The following SCOC variants were observed in gnomAD, a reference collection of about 807,000 sequenced individuals.
SCOC encodes short coiled coil protein.
In SCOC, 7 loss-of-function variants were observed where a neutral mutation model predicts 9.9. The observed-to-expected ratio is 0.71, with a 90% CI of 0.40 to 1.33. The LOEUF is 1.33. SCOC is among the 40% of genes most tolerant of loss of function. SCOC has a pLI of 0.01. For synonymous variants in SCOC, 19 were observed against 28.2 expected, an observed-to-expected ratio of 0.67 and a Z score of 1.03; for missense variants, 66 against 89.7, an observed-to-expected ratio of 0.74 and a Z score of 1.07.
intron 1 of SCOC, among the ~76,000 whole-genome samples, chr4:140,327,609 C>T (rs1512169): frequency 0.87 from 132,325 of 152,224 alleles, 57,601 homozygotes; most frequent in African/African-American, 0.91. Flanking sequence ...GATAACATAG[C>T]GAGACCCTGT....
intron 1 of SCOC, among the ~76,000 whole-genome samples, chr4:140,296,686 C>T (rs1731647639): frequency 6.6e-6 from 1 of 152,132 alleles, no homozygotes; most frequent in Non-Finnish European, 1.5e-5. Flanking sequence ...TCTCGACATC[C>T]CCTGAAATGT....
intron 1 of SCOC, among the ~76,000 whole-genome samples, chr4:140,317,855 C>G (rs1416105845): frequency 1.8e-5 from 2 of 113,506 alleles, no homozygotes; most frequent in Non-Finnish European, 3.5e-5. Context: ...CCCCTCCCCC[C>G]TCCCCACCAC....
intron 2 of SCOC, among the ~76,000 whole-genome samples, chr4:140,361,781 G>A (rs1434985923): frequency 6.6e-6 from 1 of 152,164 alleles, no homozygotes; most frequent in African/African-American, 2.4e-5. Flanking sequence ...AAACTTCTGT[G>A]AGTGACAAGA....
intron 1 of SCOC, among the ~76,000 whole-genome samples, chr4:140,321,603 A>C (rs1468841464): frequency 6.6e-6 from 1 of 152,220 alleles, no homozygotes; most frequent in Non-Finnish European, 1.5e-5. Context: ...ATAATTAATG[A>C]AGTGGAATAT....
At chr4:140,309,923 C>G (rs1264039750) in intron 1 of SCOC, among the ~76,000 whole-genome samples, 1 of 152,140 alleles carries the variant, frequency 6.6e-6, no homozygotes. Context: ...TCTTGCTATC[C>G]TTGCCAAGTT....
chr4:140,279,318 A>T (rs1394405333), intron 1 of SCOC, among the ~76,000 whole-genome samples: 1 of 152,122 alleles, frequency 6.6e-6, no homozygotes, highest in Non-Finnish European at 1.5e-5. Flanking sequence ...ACTCATATGG[A>T]TATGTAATAG....
At chr4:140,331,775 C>T (rs1021238394) in intron 1 of SCOC, among the ~76,000 whole-genome samples, 1 of 152,186 alleles carries the variant, frequency 6.6e-6, no homozygotes, top group African/African-American at 2.4e-5. Context: ...AAACTCCAGA[C>T]TCATCTTCAC....
At chr4:140,276,722 G>T (rs1236791555) in intron 1 of SCOC, among the ~76,000 whole-genome samples, 1 of 152,102 alleles carries the variant, frequency 6.6e-6, no homozygotes, top group Non-Finnish European at 1.5e-5. Context: ...CTCCCAAAGT[G>T]CTGGGATTAC....
chr4:140,276,622 A>AT (rs113154363), intron 1 of SCOC, among the ~76,000 whole-genome samples: 1 of 151,168 alleles, frequency 6.6e-6, no homozygotes, highest in African/African-American at 2.4e-5. Context: ...CACCCAGCTA[A>AT]TTTTTTGCAT....
intron 1 of SCOC, among the ~76,000 whole-genome samples, chr4:140,281,002 G>A (rs1357173468): frequency 6.6e-6 from 1 of 152,148 alleles, no homozygotes; most frequent in Non-Finnish European, 1.5e-5. Flanking sequence ...TGGCTTATAT[G>A]TTTTGACAAG....
At chr4:140,366,413 G>A in intron 2 of SCOC, 1 of 1,328,526 alleles carries the variant, frequency 7.5e-7, no homozygotes, top group Non-Finnish European at 1.1e-6. Context: ...AGCAGCTGCA[G>A]CAGCAGTAGC....
At chr4:140,276,881 G>A (rs993662473) in intron 1 of SCOC, among the ~76,000 whole-genome samples, 1 of 152,104 alleles carries the variant, frequency 6.6e-6, no homozygotes, top group African/African-American at 2.4e-5. Context: ...GTATAGCTCT[G>A]AGGCAGAGTA....
rs1728467593 is a variant in SCOC at position 140,379,179 on chromosome 4, T to C, written c.9T>C (p.Asn3=). The change falls in exon 2 of 4, where the codon AAT becomes AAC. Residue 3 remains asparagine, a synonymous_variant. Transcript: ENST00000608372. ...AAAGTTTGTTACCCAAGATGATGAATGCTGACATGGATGGTATGTTCTTCA... is the reference window on the plus strand; with the variant it reads ...AAAGTTTGTTACCCAAGATGATGAACGCTGACATGGATGGTATGTTCTTCA... The part of the protein sequence containing the change: MM[N]ADMDAVDAEN... 1 of 1,605,268 alleles carries C rather than the reference T, an allele frequency of 6.2e-7. No homozygotes were observed. Among genetic ancestry groups the C allele is most frequent in the African/African-American group, 1.3e-5 (1 of 74,866 alleles).
intron 1 of SCOC, among the ~76,000 whole-genome samples, chr4:140,298,391 A>G (rs144943069): frequency 4.6e-4 from 70 of 152,362 alleles, no homozygotes; most frequent in Non-Finnish European, 7.5e-4. Flanking sequence ...AGTGCCTCAC[A>G]CTAAGTTGGC....
At chr4:140,282,393 T>C (rs1190191444) in intron 1 of SCOC, among the ~76,000 whole-genome samples, 2 of 152,146 alleles carry the variant, frequency 1.3e-5, no homozygotes, top group African/African-American at 4.8e-5. Flanking sequence ...AAACCTGACA[T>C]GTGAAAGCCT....
intron 1 of SCOC, among the ~76,000 whole-genome samples, chr4:140,269,613 T>A (rs938952398): frequency 1.3e-5 from 2 of 151,942 alleles, no homozygotes; most frequent in African/African-American, 4.8e-5. Flanking sequence ...TTGCCCAAAT[T>A]CCTGACCCAC....
intron 1 of SCOC, among the ~76,000 whole-genome samples, chr4:140,290,538 C>T (rs574482122): frequency 8.1e-4 from 124 of 152,272 alleles, no homozygotes; most frequent in African/African-American, 1.9e-3. Flanking sequence ...TTGAGTAGGG[C>T]GCAGTGGCTC....
At chr4:140,376,186 G>GA (rs1728335738) in intron 1 of SCOC, among the ~76,000 whole-genome samples, 1 of 152,046 alleles carries the variant, frequency 6.6e-6, no homozygotes, top group Non-Finnish European at 1.5e-5. Context: ...TATTTTAAAA[G>GA]AAAAAATCCA....
chr4:140,364,653 C>G (rs1244964876), intron 2 of SCOC, among the ~76,000 whole-genome samples: 2 of 152,202 alleles, frequency 1.3e-5, no homozygotes, highest in Non-Finnish European at 2.9e-5. Flanking sequence ...AAAACATCAG[C>G]TGCCAGTCTT....
Sources: gnomAD v4.1 joint callset for allele counts (sites outside exome capture counted in the v4.1 genomes callset) on GRCh38, gnomAD v4.1.1 for gene constraint, MANE v1.5 for transcripts, NCBI Gene and HGNC (gene_info 2026-07-23, HGNC 2026-07-21) for gene names.